The following MIR2052HG variants were observed in gnomAD, a reference collection of about 807,000 sequenced individuals.
The protein encoded by MIR2052HG is MIR2052 host gene.
chr8:74,702,776 A>G (rs1217371459), intron 3 of MIR2052HG, among the ~76,000 whole-genome samples: 1 of 152,110 alleles, frequency 6.6e-6, no homozygotes, highest in East Asian at 1.9e-4. Flanking sequence ...AATGGCTAAA[A>G]TCTGGATTAA....
chr8:74,666,666 CAA>C (rs1231891935), intron 2 of MIR2052HG, among the ~76,000 whole-genome samples: 1 of 152,062 alleles, frequency 6.6e-6, no homozygotes, highest in African/African-American at 2.4e-5. Flanking sequence ...CTGTCTGGCT[CAA>C]AGTTATATTT....
At chr8:74,712,288 C>T (rs1024913595) in intron 4 of MIR2052HG, among the ~76,000 whole-genome samples, 14 of 152,164 alleles carry the variant, frequency 9.2e-5, no homozygotes, top group Admixed American at 3.3e-4. Flanking sequence ...TTTATTATGA[C>T]TAGATAGAGC....
At chr8:74,700,814 T>C (rs568505655) in intron 2 of MIR2052HG, among the ~76,000 whole-genome samples, 1 of 152,262 alleles carries the variant, frequency 6.6e-6, no homozygotes, top group Admixed American at 6.6e-5. Flanking sequence ...TCTAGGTATA[T>C]GTTCTATCCC....
At chr8:74,727,070 T>C (rs577826850) in intron 4 of MIR2052HG, among the ~76,000 whole-genome samples, 1 of 152,338 alleles carries the variant, frequency 6.6e-6, no homozygotes, top group African/African-American at 2.4e-5. Flanking sequence ...AGAAGAGACA[T>C]ATGATGTCTG....
chr8:74,659,190 A>T (rs1808836377), intron 2 of MIR2052HG, among the ~76,000 whole-genome samples: 1 of 152,200 alleles, frequency 6.6e-6, no homozygotes, highest in South Asian at 2.1e-4. Flanking sequence ...AAGAAAGGCT[A>T]AATATGCTCA....
intron 4 of MIR2052HG, among the ~76,000 whole-genome samples, chr8:74,724,191 T>C (rs1048550000): frequency 6.6e-6 from 1 of 152,142 alleles, no homozygotes; most frequent in Non-Finnish European, 1.5e-5. Context: ...AAATTTGTCA[T>C]TTTTCATATT....
chr8:74,671,623 G>A (rs1249029676), intron 2 of MIR2052HG, among the ~76,000 whole-genome samples: 1 of 152,086 alleles, frequency 6.6e-6, no homozygotes, highest in Non-Finnish European at 1.5e-5. Context: ...GGAACCCGGG[G>A]TTGTTTGAAG....
chr8:74,719,849 C>CTTTTTTTTTTTT (rs10647233), intron 4 of MIR2052HG, among the ~76,000 whole-genome samples: 4 of 106,716 alleles, frequency 3.7e-5, no homozygotes, highest in Non-Finnish European at 5.5e-5. Flanking sequence ...TTTCTTTTTT[C>CTTTTTTTTTTTT]TTTTTTTTTT....
At chr8:74,692,563 A>G (rs1348761507) in intron 2 of MIR2052HG, among the ~76,000 whole-genome samples, 1 of 152,216 alleles carries the variant, frequency 6.6e-6, no homozygotes, top group Non-Finnish European at 1.5e-5. Flanking sequence ...ACACACTACT[A>G]GAATTCATTT....
At chr8:74,659,967 C>T (rs1169174021) in intron 2 of MIR2052HG, among the ~76,000 whole-genome samples, 1 of 152,020 alleles carries the variant, frequency 6.6e-6, no homozygotes, top group Admixed American at 6.6e-5. Flanking sequence ...TTCTTTTGGT[C>T]ATAAGAAACA....
intron 2 of MIR2052HG, among the ~76,000 whole-genome samples, chr8:74,644,487 A>G (rs190553251): frequency 6.6e-6 from 1 of 152,202 alleles, no homozygotes; most frequent in Non-Finnish European, 1.5e-5. Context: ...TGTTCGCACA[A>G]TGACAAAATC....
chr8:74,730,436 T>C (rs900478126), intron 4 of MIR2052HG, among the ~76,000 whole-genome samples: 3 of 152,156 alleles, frequency 2.0e-5, no homozygotes, highest in Non-Finnish European at 4.4e-5. Flanking sequence ...AAGAACATAG[T>C]ACGTAAATGC....
chr8:74,736,324 C>T (rs1486993930), intron 4 of MIR2052HG, among the ~76,000 whole-genome samples: 2 of 152,122 alleles, frequency 1.3e-5, no homozygotes, highest in South Asian at 2.1e-4. Flanking sequence ...GTGGTGGGTA[C>T]ATAATTTTTG....
chr8:74,727,917 C>T (rs561136261), intron 4 of MIR2052HG, among the ~76,000 whole-genome samples: 49 of 150,706 alleles, frequency 3.3e-4, no homozygotes, highest in Non-Finnish European at 4.9e-4. Context: ...TTGTTGTACC[C>T]GGAGTTCATT....
intron 2 of MIR2052HG, among the ~76,000 whole-genome samples, chr8:74,613,688 T>C (rs1808234163): frequency 1.3e-5 from 2 of 152,206 alleles, no homozygotes; most frequent in African/African-American, 2.4e-5. Context: ...GGTTTTGCCA[T>C]GTTGGCCAAG....
chr8:74,709,717 A>G (rs1394207834), intron 4 of MIR2052HG, among the ~76,000 whole-genome samples: 3 of 152,130 alleles, frequency 2.0e-5, no homozygotes, highest in Non-Finnish European at 2.9e-5. Flanking sequence ...CTTAGCAGTT[A>G]TTAATTTATT....
At chr8:74,739,731 T>C (rs1187488597) in intron 4 of MIR2052HG, among the ~76,000 whole-genome samples, 3 of 152,176 alleles carry the variant, frequency 2.0e-5, no homozygotes, top group Admixed American at 6.6e-5. Context: ...TAAAACTATA[T>C]TTTCAGATAG....
rs1809358913 is a variant in MIR2052HG, at chr8:74,701,599, G to A, written n.217-780G>A. On this transcript the variant is annotated intron_variant and non_coding_transcript_variant, in intron 2 of 6. Coordinates refer to ENST00000523442, the Ensembl canonical transcript of MIR2052HG. ...TATGACATTGGCTCTTTTCTTGACT[G>A]CCATGTCTCTTTTGCTTCTTGTCAT... Among the ~76,000 whole-genome samples the A allele has an allele frequency of 2.6e-5, 4 of 152,026 alleles. No individual in the cohort carries two copies. In the South Asian group the frequency reaches 8.3e-4, roughly 31 times the overall value.
intron 2 of MIR2052HG, among the ~76,000 whole-genome samples, chr8:74,630,298 C>G (rs995574337): frequency 2.6e-5 from 4 of 151,862 alleles, no homozygotes; most frequent in Non-Finnish European, 1.5e-5. Flanking sequence ...ATGAAGTTTC[C>G]CTCTTCTCTC....
Sources: allele counts gnomAD v4.1 joint callset (sites outside exome capture counted in the v4.1 genomes callset), GRCh38; gene constraint gnomAD v4.1.1; transcripts MANE v1.5; gene names NCBI Gene and HGNC (gene_info 2026-07-23, HGNC 2026-07-21).